Variants in PDZD2 observed in about 807,000 individuals in gnomAD.
The protein encoded by PDZD2 is PDZ domain-containing protein 2.
In PDZD2, 90 loss-of-function variants were observed where a neutral mutation model predicts 220.7. The observed-to-expected ratio is 0.41, with a 90% CI of 0.34 to 0.49. The LOEUF is 0.49. Ranked by LOEUF, PDZD2 falls within the 20% of genes least tolerant of loss-of-function variation. The pLI is 0.28. For synonymous variants in PDZD2, 1,375 were observed against 1,450.5 expected, an observed-to-expected ratio of 0.95 and a Z score of 1.18; for missense variants, 3,174 against 3,608.5, an observed-to-expected ratio of 0.88 and a Z score of 3.08.
chr5:31,977,360 T>C (rs758531739), intron 2 of PDZD2, among the ~76,000 whole-genome samples: 2 of 152,206 alleles, frequency 1.3e-5, no homozygotes, highest in Admixed American at 1.3e-4. Flanking sequence ...AAGCCCTCTT[T>C]TAATAGAATC....
intron 2 of PDZD2, among the ~76,000 whole-genome samples, chr5:31,878,147 A>G (rs1477472780): frequency 6.6e-6 from 1 of 152,200 alleles, no homozygotes; most frequent in African/African-American, 2.4e-5. Context: ...GATAAGCTCA[A>G]CAAGCACCCT....
chr5:31,664,853 C>A (rs1429615057), intron 1 of PDZD2: 1 of 152,176 alleles, frequency 6.6e-6, no homozygotes, highest in Non-Finnish European at 1.5e-5. Flanking sequence ...GAGTACTCTG[C>A]CCCCAACTGG....
In PDZD2 at chr5:31,689,349, A is replaced by AT. The variant is rs1215483289; in HGVS notation, c.-361+49913dup. On this transcript the variant is annotated intron_variant, in intron 1 of 24. Coordinates refer to ENST00000438447, the MANE Select transcript of PDZD2 (RefSeq NM_178140.4). ...TATATACATATACATATATATATAT[A>AT]TATATTTTTTTTTTTTTTTTTTTTA... Among the ~76,000 whole-genome samples, 65 of 27,824 alleles carry AT rather than the reference A, an allele frequency of 2.3e-3. 1 individual carries two copies. Among genetic ancestry groups the AT allele is most frequent in the South Asian group, 3.0e-3 (3 of 1,004 alleles). 18.3% of individuals were successfully genotyped at this position (27,824 alleles called of 152,430 possible).
chr5:31,851,337 C>G (rs981458801), intron 2 of PDZD2, among the ~76,000 whole-genome samples: 1 of 152,106 alleles, frequency 6.6e-6, no homozygotes, highest in Non-Finnish European at 1.5e-5. Context: ...GTGAATTCAC[C>G]CCAGCACTGC....
At chr5:31,931,419 A>G (rs1745286579) in intron 2 of PDZD2, among the ~76,000 whole-genome samples, 1 of 152,092 alleles carries the variant, frequency 6.6e-6, no homozygotes. Context: ...TGACCTCCCA[A>G]AGTACTGGAA....
At chr5:31,802,919 CAAAAAAAAAA>C (rs34901917) in intron 2 of PDZD2, among the ~76,000 whole-genome samples, 15 of 56,180 alleles carry the variant, frequency 2.7e-4, no homozygotes, top group African/African-American at 9.8e-4. Context: ...GACTCTGTCT[CAAAAAAAAAA>C]AAAAAAAAAA....
At chr5:31,731,901 G>A (rs146152569) in intron 1 of PDZD2, among the ~76,000 whole-genome samples, 30 of 152,322 alleles carry the variant, frequency 2.0e-4, no homozygotes, top group African/African-American at 7.0e-4. Flanking sequence ...GTTATTCTGT[G>A]TTTACCTTTT....
At chr5:32,073,456 C>T (rs374914023) in intron 17 of PDZD2, among the ~76,000 whole-genome samples, 1 of 152,248 alleles carries the variant, frequency 6.6e-6, no homozygotes, top group South Asian at 2.1e-4. Context: ...TGTCATCAGT[C>T]CCCAGGCATC....
rs556276502 is a variant in PDZD2, at chr5:32,014,706, C to CTTTTTTTTTTTTTTT, written c.1407+4238_1407+4252dup. On this transcript the variant is annotated intron_variant, in intron 6 of 24. Transcript: ENST00000438447. ...ATTTTCTGCTCTGCAATGACAATTT[C>CTTTTTTTTTTTTTTT]TTTTTTTTTTTTTTTTTTTTTTTTT... Among the ~76,000 whole-genome samples the CTTTTTTTTTTTTTTT allele has an allele frequency of 3.6e-3, 347 of 95,416 alleles. 74 individuals carry two copies. Among genetic ancestry groups the CTTTTTTTTTTTTTTT allele is most frequent in the African/African-American group, 0.015 (335 of 22,892 alleles). The allele number at this position is 95,416 out of a possible 152,430, so 62.6% of individuals were successfully genotyped here. A position where few individuals can be genotyped will look rare whatever the true frequency, so the allele number is the denominator to read the frequency against.
Position 31,690,526 on chromosome 5 carries a change from G to A in PDZD2, c.-361+51089G>A, listed in dbSNP as rs1031209960. On this transcript the variant is annotated intron_variant, in intron 1 of 24. Coordinates refer to ENST00000438447, the MANE Select transcript of PDZD2 (RefSeq NM_178140.4). Reference sequence around the variant, plus strand: ...AAAATAAAAGCTTTAGCAGAGACACGCTGCTTTTGAGACTGTCTTTGCATC... The same window carrying A: ...AAAATAAAAGCTTTAGCAGAGACACACTGCTTTTGAGACTGTCTTTGCATC... Among the ~76,000 whole-genome samples the A allele has an allele frequency of 4.6e-5, 7 of 152,138 alleles. No homozygotes were observed. In the East Asian group the frequency reaches 1.2e-3, roughly 25 times the overall value.
chr5:32,007,065 G>A (rs1214740340), intron 5 of PDZD2, among the ~76,000 whole-genome samples: 3 of 151,986 alleles, frequency 2.0e-5, no homozygotes, highest in East Asian at 1.9e-4. Context: ...ACAGGCGCCC[G>A]CCACCACGCC....
chr5:31,887,264 C>T (rs760028188), intron 2 of PDZD2, among the ~76,000 whole-genome samples: 1 of 152,138 alleles, frequency 6.6e-6, no homozygotes, highest in African/African-American at 2.4e-5. Context: ...CACATACACA[C>T]ACAAAATCGA....
intron 2 of PDZD2, among the ~76,000 whole-genome samples, chr5:31,977,744 G>T (rs13182019): frequency 6.6e-6 from 1 of 152,114 alleles, no homozygotes; most frequent in Non-Finnish European, 1.5e-5. Context: ...AGGCTGAGGC[G>T]GGCGGATCAC....
At chr5:31,980,932 C>CA (rs1750245209) in intron 2 of PDZD2, among the ~76,000 whole-genome samples, 1 of 152,146 alleles carries the variant, frequency 6.6e-6, no homozygotes, top group Admixed American at 6.6e-5. Flanking sequence ...TACAGCCGCG[C>CA]ACCACCATGC....
rs190752352 is a variant in PDZD2 at position 32,015,912 on chromosome 5, C to T, written c.1407+5430C>T. Among the ~76,000 whole-genome samples, 52 of 152,250 alleles carry T rather than the reference C, an allele frequency of 3.4e-4. 1 individual carries two copies. The highest frequency in any genetic ancestry group is 3.4e-3 in the Middle Eastern group (1 of 294). On this transcript the variant is annotated intron_variant, in intron 6 of 24. Coordinates refer to ENST00000438447, the MANE Select transcript of PDZD2 (RefSeq NM_178140.4). ...AAATCTGCAATTGTAAAGCTCAGCTCGGAAGAGTTTGTTTAGCACATCAAT... is the reference window on the plus strand; with the variant it reads ...AAATCTGCAATTGTAAAGCTCAGCTTGGAAGAGTTTGTTTAGCACATCAAT...
chr5:31,796,932 T>A (rs1754064827), intron 1 of PDZD2, among the ~76,000 whole-genome samples: 1 of 138,720 alleles, frequency 7.2e-6, no homozygotes, highest in Non-Finnish European at 1.5e-5. Flanking sequence ...TTTTGTTTTT[T>A]TGTTTTTTTT....
Position 32,033,890 on chromosome 5 carries a change from A to G in PDZD2, c.1408-3341A>G, listed in dbSNP as rs149004749. 2.6e-5 allele frequency among the ~76,000 whole-genome samples: 4 copies of G among 152,248 alleles called. No individual in the cohort carries two copies. The East Asian group carries it at 7.7e-4, about 29-fold the overall frequency. ...CACCTCGGCCTTCCAGAGTGCTGGGATTACAGGTGTGAACCACCACGTCTG... is the reference window on the plus strand; with the variant it reads ...CACCTCGGCCTTCCAGAGTGCTGGGGTTACAGGTGTGAACCACCACGTCTG... On this transcript the variant is annotated intron_variant, in intron 6 of 24. Coordinates refer to ENST00000438447, the MANE Select transcript of PDZD2 (RefSeq NM_178140.4).
At chr5:31,763,173 C>T (rs1171643251) in intron 1 of PDZD2, among the ~76,000 whole-genome samples, 1 of 152,122 alleles carries the variant, frequency 6.6e-6, no homozygotes, top group South Asian at 2.1e-4. Context: ...TGAGTCTAGC[C>T]CTCAGGAGCT....
intron 2 of PDZD2, chr5:31,841,081 A>C (rs1428994801): frequency 3.8e-6 from 1 of 260,768 alleles, no homozygotes; most frequent in Non-Finnish European, 7.3e-6. Context: ...AAATTATAAA[A>C]GCACTACTAC....
Sources: gnomAD v4.1 joint callset for allele counts (sites outside exome capture counted in the v4.1 genomes callset) on GRCh38, gnomAD v4.1.1 for gene constraint, MANE v1.5 for transcripts, NCBI Gene and HGNC (gene_info 2026-07-23, HGNC 2026-07-21) for gene names.